The following UNC5B variants were observed in gnomAD, a reference collection of about 807,000 sequenced individuals.
UNC5B encodes netrin receptor UNC5B.
A neutral mutation model predicts 103.7 loss-of-function variants in UNC5B; 56 were observed. The observed-to-expected ratio is 0.54, with a 90% confidence interval of 0.44 to 0.67. UNC5B has a LOEUF of 0.67. UNC5B is among the 30% of genes least tolerant of loss of function. The pLI, the probability that UNC5B is intolerant of heterozygous loss-of-function variation, is 0.00. For missense variants in UNC5B, 1,194 were observed against 1,284.5 expected, an observed-to-expected ratio of 0.93 and a Z score of 1.08; for synonymous variants, 577 against 542.0, an observed-to-expected ratio of 1.06 and a Z score of -0.90.
At chr10:71,295,004 G>C (rs992876263) in intron 13 of UNC5B, among the ~76,000 whole-genome samples, 13 of 152,170 alleles carry the variant, frequency 8.5e-5, no homozygotes, top group African/African-American at 3.1e-4. Flanking sequence ...AGCGCCTCAT[G>C]GTCCTTTCCC....
At chr10:71,289,538 A>G (rs1465764470) in intron 8 of UNC5B, among the ~76,000 whole-genome samples, 1 of 152,204 alleles carries the variant, frequency 6.6e-6, no homozygotes, top group Admixed American at 6.5e-5. Flanking sequence ...CTGCAATCAT[A>G]TCAGAGCAGC....
chr10:71,278,775 C>A (rs1034930682), intron 1 of UNC5B, among the ~76,000 whole-genome samples: 1 of 152,246 alleles, frequency 6.6e-6, no homozygotes, highest in Non-Finnish European at 1.5e-5. Flanking sequence ...GGCGGCCATG[C>A]GCCACCCCAC....
intron 2 of UNC5B, among the ~76,000 whole-genome samples, 198 bp from the exon 3 acceptor site, chr10:71,284,522 G>A (rs1342690388): frequency 6.6e-6 from 1 of 152,210 alleles, no homozygotes; most frequent in African/African-American, 2.4e-5. Flanking sequence ...GGGGCAGAGG[G>A]CTTGTGTTAG....
intron 1 of UNC5B, among the ~76,000 whole-genome samples, chr10:71,258,335 C>G (rs1844339459): frequency 2.0e-5 from 3 of 152,212 alleles, no homozygotes; most frequent in Non-Finnish European, 4.4e-5. Flanking sequence ...TTGCCTCAGG[C>G]TTGTCTCTGC....
chr10:71,224,387 A>G lies in UNC5B; in HGVS notation c.79+11323A>G, dbSNP rs1239453539. ...TAGACACACACACACACACACACAC[A>G]CACACACACACACACACACACACAC... On this transcript the variant is annotated intron_variant, in intron 1 of 16. Coordinates refer to ENST00000335350, the MANE Select transcript of UNC5B (RefSeq NM_170744.5). Among the ~76,000 whole-genome samples, 24 of 151,268 alleles carry G rather than the reference A, an allele frequency of 1.6e-4. 1 individual carries two copies. The highest frequency in any genetic ancestry group is 2.1e-4 in the South Asian group (1 of 4,798).
chr10:71,213,112 C>T lies in UNC5B; in HGVS notation c.79+48C>T, dbSNP rs1843261444. 1 of 1,239,038 alleles carries T rather than the reference C, an allele frequency of 8.1e-7. No homozygotes were observed. The highest frequency in any genetic ancestry group is 1.0e-6 in the Non-Finnish European group (1 of 980,632). 76.8% of individuals were successfully genotyped at this position (1,239,038 alleles called of 1,614,324 possible). A position where few individuals can be genotyped will look rare whatever the true frequency, so the allele number is the denominator to read the frequency against. On this transcript the variant is annotated intron_variant, in intron 1 of 16. Coordinates refer to ENST00000335350, the MANE Select transcript of UNC5B (RefSeq NM_170744.5). This position sits in a 1 kb window ranked among gnomAD's most constrained non-coding sequence, Gnocchi z 4.1. ...GGCGCGGGGCTAGGGGACCCTTGCG[C>T]CTCACTCTGTCCTGAAGTTGAGGTG...
chr10:71,273,123 A>G (rs1028462398), intron 1 of UNC5B, among the ~76,000 whole-genome samples: 1 of 152,270 alleles, frequency 6.6e-6, no homozygotes, highest in Non-Finnish European at 1.5e-5. Context: ...TCCTGACCTC[A>G]GGTGATCCGC....
chr10:71,291,635 G>A lies in UNC5B; in HGVS notation c.1498G>A (p.Ala500Thr), dbSNP rs542098916. The change falls in exon 10 of 17, where the codon GCT (alanine) becomes ACT (threonine). Residue 500 changes from alanine to threonine, a missense_variant. By Grantham distance (58) the Ala-to-Thr change is moderately conservative. Transcript: ENST00000335350. ...TGSGPGLADG[A>T]DLLGVLPPGT... is the part of the protein sequence containing the mutation. Reference sequence around the variant, plus strand: ...CTCTGGGCCAGGCCTGGCAGATGGGGCTGACCTGCTGGGGGTCTTGCCGCC... The same window carrying A: ...CTCTGGGCCAGGCCTGGCAGATGGGACTGACCTGCTGGGGGTCTTGCCGCC... 1 of 1,613,926 alleles carries A rather than the reference G, an allele frequency of 6.2e-7. No homozygotes were observed. Among genetic ancestry groups the A allele is most frequent in the African/African-American group, 1.3e-5 (1 of 75,060 alleles).
chr10:71,284,627 C>G, intron 2 of UNC5B, 93 bp from the exon 3 acceptor site: 1 of 1,567,104 alleles, frequency 6.4e-7, no homozygotes, highest in African/African-American at 1.3e-5. Context: ...GGCAAGAGTG[C>G]CAGCAGGATC....
At chr10:71,289,171 C>T (rs976711841) in intron 8 of UNC5B, among the ~76,000 whole-genome samples, 181 bp downstream of exon 8, 4 of 152,210 alleles carry the variant, frequency 2.6e-5, no homozygotes, top group Non-Finnish European at 4.4e-5. Context: ...GACAGGCAAA[C>T]CCTTGGCTGA....
At chr10:71,231,511 C>G (rs1057000920) in intron 1 of UNC5B, among the ~76,000 whole-genome samples, 3 of 152,214 alleles carry the variant, frequency 2.0e-5, no homozygotes, top group Non-Finnish European at 4.4e-5. Context: ...GTGTTGACTC[C>G]CCAGCCTGGG....
rs1843262788 is a variant in UNC5B, at chr10:71,213,184, A to G, written c.79+120A>G. ...CGCAGGAAAAGCGGCAAGGGCGCCC[A>G]AGTTAGAATGTAGATTTTACTGCCT... is the stretch of plus-strand genomic sequence containing the variant. On this transcript the variant is annotated intron_variant, in intron 1 of 16. Coordinates refer to ENST00000335350, the MANE Select transcript of UNC5B (RefSeq NM_170744.5). The surrounding 1 kb of genome is among the most constrained non-coding windows in gnomAD (Gnocchi z 4.1). The G allele has an allele frequency of 1.2e-6, 1 of 800,676 alleles. No homozygotes were observed. The allele number at this position is 800,676 out of a possible 1,614,324, so 49.6% of individuals were successfully genotyped here.
At chr10:71,281,653 T>G (rs752937310) in intron 2 of UNC5B, among the ~76,000 whole-genome samples, 30 of 152,152 alleles carry the variant, frequency 2.0e-4, no homozygotes, top group Non-Finnish European at 3.5e-4. Flanking sequence ...AAAAGGAATT[T>G]TTAAGGGGAA....
At chr10:71,294,679 C>A (rs1845360898) in intron 13 of UNC5B, among the ~76,000 whole-genome samples, 1 of 152,032 alleles carries the variant, frequency 6.6e-6, no homozygotes, top group African/African-American at 2.4e-5. Context: ...GGCTGACAGC[C>A]AGGCTCCTAG....
At chr10:71,296,894 T>C in intron 15 of UNC5B, 152 bp downstream of exon 15, 1 of 503,746 alleles carries the variant, frequency 2.0e-6, no homozygotes, top group Non-Finnish European at 3.5e-6. Flanking sequence ...CTGGCGGAGG[T>C]GAGGGAAGGG....
intron 1 of UNC5B, among the ~76,000 whole-genome samples, chr10:71,241,561 G>A (rs1171051279): frequency 6.6e-6 from 1 of 152,136 alleles, no homozygotes; most frequent in African/African-American, 2.4e-5. Flanking sequence ...CAGAGAGAGG[G>A]GAAATGTGCT....
intron 9 of UNC5B, 128 bp from the exon 10 acceptor site, chr10:71,291,304 C>A: frequency 6.9e-7 from 1 of 1,453,794 alleles, no homozygotes; most frequent in East Asian, 2.3e-5. Flanking sequence ...TGCGGGATTC[C>A]CAAAGCTTCC....
At chr10:71,235,369 G>C (rs908208430) in intron 1 of UNC5B, among the ~76,000 whole-genome samples, 1 of 152,184 alleles carries the variant, frequency 6.6e-6, no homozygotes, top group Non-Finnish European at 1.5e-5. Context: ...CCAGAGCCCT[G>C]AACTCAGCAG....
At chr10:71,225,705 C>T (rs1589150125) in intron 1 of UNC5B, among the ~76,000 whole-genome samples, 1 of 152,378 alleles carries the variant, frequency 6.6e-6, no homozygotes, top group African/African-American at 2.4e-5. Context: ...TGTTCCCTCC[C>T]AGCCCACCAC....
Sources: gnomAD v4.1 joint callset for allele counts (sites outside exome capture counted in the v4.1 genomes callset) on GRCh38, gnomAD v4.1.1 for gene constraint, Gnocchi (gnomAD v3.1) non-coding constraint, MANE v1.5 for transcripts, NCBI Gene and HGNC (gene_info 2026-07-23, HGNC 2026-07-21) for gene names.